Variants in CACNA2D1 observed in about 807,000 individuals in gnomAD.
CACNA2D1 encodes calcium voltage-gated channel auxiliary subunit alpha2delta 1.
In CACNA2D1, 53 loss-of-function variants were observed where a neutral mutation model predicts 171.5. That is an observed-to-expected ratio of 0.31 (90% CI 0.25 to 0.39). The LOEUF is 0.39. Among genes scored for constraint, CACNA2D1 ranks in the 10% least tolerant of loss-of-function variants. The pLI, the probability that CACNA2D1 is intolerant of heterozygous loss-of-function variation, is 1.00. For missense variants in CACNA2D1, 903 were observed against 1,299.8 expected (o/e 0.69, Z 4.69); for synonymous variants, 442 against 443.1 (o/e 1.00, Z 0.03).
At chr7:82,136,567 A>G (rs1010118420) in intron 5 of CACNA2D1, 68 bp downstream of exon 5, 1 of 1,156,178 alleles carries the variant, frequency 8.6e-7, no homozygotes, top group Non-Finnish European at 1.2e-6. Context: ...AGCTCAATTT[A>G]TTCTATATAA....
chr7:82,028,545 T>G (rs2131104937), intron 12 of CACNA2D1: 1 of 151,966 alleles, frequency 6.6e-6, no homozygotes, highest in African/African-American at 2.4e-5. Context: ...TGATTCCTCT[T>G]ACTGATCTGG....
intron 12 of CACNA2D1, among the ~76,000 whole-genome samples, chr7:82,026,119 A>G (rs1271837429): frequency 1.4e-5 from 2 of 143,488 alleles, no homozygotes; most frequent in Non-Finnish European, 3.1e-5. Flanking sequence ...TCTTTTGGTT[A>G]TCATTTGCAT....
intron 2 of CACNA2D1, among the ~76,000 whole-genome samples, chr7:82,345,190 AAAG>A (rs1819106076): frequency 6.6e-6 from 1 of 152,186 alleles, no homozygotes; most frequent in Non-Finnish European, 1.5e-5. Context: ...TTACTAATGA[AAAG>A]AAATTCTTCA....
intron 6 of CACNA2D1, among the ~76,000 whole-genome samples, chr7:82,115,035 A>G (rs1266812869): frequency 6.6e-6 from 1 of 152,182 alleles, no homozygotes; most frequent in East Asian, 1.9e-4. Flanking sequence ...CCAATCATAA[A>G]AGATTTCTAA....
intron 3 of CACNA2D1, among the ~76,000 whole-genome samples, chr7:82,245,829 T>C (rs1804855517): frequency 6.6e-6 from 1 of 152,192 alleles, no homozygotes; most frequent in African/African-American, 2.4e-5. Context: ...TATCTTCACC[T>C]TCTGGCGTAA....
At chr7:81,953,913 G>A (rs979255666) in intron 38 of CACNA2D1, among the ~76,000 whole-genome samples, 1 of 151,916 alleles carries the variant, frequency 6.6e-6, no homozygotes, top group African/African-American at 2.4e-5. Context: ...AATTTCCTCT[G>A]TGTGATGATG....
At chr7:82,440,328 A>G (rs1389432621) in intron 1 of CACNA2D1, among the ~76,000 whole-genome samples, 1 of 151,938 alleles carries the variant, frequency 6.6e-6, no homozygotes, top group Admixed American at 6.5e-5. Context: ...TTAAATTACC[A>G]TTATAATACT....
chr7:82,013,751 A>G (rs577232746), intron 13 of CACNA2D1, among the ~76,000 whole-genome samples: 38 of 151,996 alleles, frequency 2.5e-4, no homozygotes, highest in Admixed American at 9.2e-4. Context: ...GTATTCTTCT[A>G]TGAAGGAATA....
chr7:82,123,933 T>C (rs1790031955), intron 5 of CACNA2D1, among the ~76,000 whole-genome samples: 1 of 148,856 alleles, frequency 6.7e-6, no homozygotes, highest in Non-Finnish European at 1.5e-5. Context: ...GCATATATCA[T>C]ACAATCAGTA....
At chr7:82,300,975 G>A (rs951883507) in intron 3 of CACNA2D1, among the ~76,000 whole-genome samples, 2 of 152,100 alleles carry the variant, frequency 1.3e-5, no homozygotes, top group Admixed American at 1.3e-4. Context: ...ATTTCACAAA[G>A]GAAGATTTGT....
chr7:81,978,523 G>A (rs891164607), intron 24 of CACNA2D1, among the ~76,000 whole-genome samples: 16 of 151,720 alleles, frequency 1.1e-4, no homozygotes, highest in Non-Finnish European at 1.8e-4. Flanking sequence ...AGTGGGAGTC[G>A]AACAATAAGA....
At chr7:82,357,087 C>T (rs1321163737) in intron 1 of CACNA2D1, among the ~76,000 whole-genome samples, 1 of 152,006 alleles carries the variant, frequency 6.6e-6, no homozygotes, top group African/African-American at 2.4e-5. Flanking sequence ...CTTTATTGTA[C>T]AGAAACAGCC....
intron 10 of CACNA2D1, among the ~76,000 whole-genome samples, chr7:82,054,290 T>A (rs186788046): frequency 6.6e-6 from 1 of 152,336 alleles, no homozygotes; most frequent in Non-Finnish European, 1.5e-5. Context: ...ATTTTTCCAT[T>A]CATGTCAACC....
rs556754401 is a variant in CACNA2D1 at position 82,308,711 on chromosome 7, A to G, written c.294+26424T>C. On this transcript the variant is annotated intron_variant, in intron 3 of 38. Transcript: ENST00000356860. ...GAAAGGCATTCCCTTAAAAATTTCC[A>G]TAACAAACTTTTGTTTAAGGTATTT... Among the ~76,000 whole-genome samples, 45 of 152,336 alleles carry G rather than the reference A, an allele frequency of 3.0e-4. No homozygotes were observed. In the Middle Eastern group the frequency reaches 0.01, roughly 35 times the overall value.
intron 7 of CACNA2D1, among the ~76,000 whole-genome samples, chr7:82,072,035 G>C (rs763423153): frequency 6.6e-6 from 1 of 151,976 alleles, no homozygotes; most frequent in African/African-American, 2.4e-5. Context: ...TTACCTATTC[G>C]GTAGGAATTT....
intron 3 of CACNA2D1, among the ~76,000 whole-genome samples, chr7:82,269,443 C>T (rs182275366): frequency 6.6e-6 from 1 of 152,290 alleles, no homozygotes; most frequent in African/African-American, 2.4e-5. Context: ...TCACCATTTT[C>T]TTCCTGCTTC....
chr7:82,275,815 A>C (rs561408669), intron 3 of CACNA2D1, among the ~76,000 whole-genome samples: 1 of 152,316 alleles, frequency 6.6e-6, no homozygotes, highest in East Asian at 1.9e-4. Flanking sequence ...TTGCTCTTTG[A>C]CAGACAATAT....
At chr7:82,061,647 T>C (rs1584595550) in intron 9 of CACNA2D1, among the ~76,000 whole-genome samples, 1 of 151,752 alleles carries the variant, frequency 6.6e-6, no homozygotes, top group African/African-American at 2.4e-5. Context: ...AAAGAAAGAG[T>C]TTAATTGATG....
chr7:81,959,579 T>A (rs776836249), intron 37 of CACNA2D1, 141 bp downstream of exon 37: 143 of 974,322 alleles, frequency 1.5e-4, no homozygotes, highest in Non-Finnish European at 2.0e-4. Context: ...AACCAAATTT[T>A]GAGTGAGGAA....
Sources: gnomAD v4.1 joint callset for allele counts (sites outside exome capture counted in the v4.1 genomes callset) on GRCh38, gnomAD v4.1.1 for gene constraint, MANE v1.5 for transcripts, NCBI Gene and HGNC (gene_info 2026-07-23, HGNC 2026-07-21) for gene names.